CLNK: variants seen among roughly 807,000 people sequenced by gnomAD.
CLNK encodes cytokine-dependent hematopoietic cell linker.
CLNK carries 74 observed loss-of-function variants against 68.6 expected under a neutral mutation model. That is an observed-to-expected ratio of 1.08 (90% confidence interval 0.89 to 1.31). The LOEUF (loss-of-function observed/expected upper bound fraction) is 1.31. Ranked by LOEUF, CLNK falls within the 50% of genes most tolerant of loss-of-function variation. CLNK has a pLI of 0.00. For synonymous variants in CLNK, 198 were observed against 172.2 expected, an observed-to-expected ratio of 1.15 and a Z score of -1.17; for missense variants, 553 against 515.3, an observed-to-expected ratio of 1.07 and a Z score of -0.71.
intron 5 of CLNK, among the ~76,000 whole-genome samples, chr4:10,568,466 C>A (rs184026635): frequency 5.2e-4 from 79 of 152,060 alleles, no homozygotes; most frequent in African/African-American, 1.7e-3. Context: ...TACAAAAAAA[C>A]CATTAAATTG....
chr4:10,567,003 G>C (rs1484974345), intron 5 of CLNK, among the ~76,000 whole-genome samples: 1 of 151,868 alleles, frequency 6.6e-6, no homozygotes, highest in African/African-American at 2.4e-5. Context: ...TGGATTGGGA[G>C]ACTTAATCTT....
chr4:10,599,327 T>C (rs1294576892), intron 2 of CLNK, among the ~76,000 whole-genome samples: 1 of 152,230 alleles, frequency 6.6e-6, no homozygotes, highest in South Asian at 2.1e-4. Flanking sequence ...CTGTAGCCCA[T>C]AGAATAGAAC....
At chr4:10,543,346 A>T (rs1038280701) in intron 8 of CLNK, among the ~76,000 whole-genome samples, 1 of 152,160 alleles carries the variant, frequency 6.6e-6, no homozygotes, top group Non-Finnish European at 1.5e-5. Flanking sequence ...TTGGGGAATC[A>T]GTGAGAAAAT....
At chr4:10,712,114 A>G in the CLNK span, among the ~76,000 whole-genome samples, 2 of 152,220 alleles carry the variant, frequency 1.3e-5, no homozygotes, top group African/African-American at 4.8e-5. Context: ...GGAGAGTATA[A>G]GGAGAATTTT....
At chr4:10,703,087 G>A in the CLNK span, among the ~76,000 whole-genome samples, 1 of 152,134 alleles carries the variant, frequency 6.6e-6, no homozygotes, top group Non-Finnish European at 1.5e-5. Flanking sequence ...AATAAAAACT[G>A]ATCAATTAGA....
intron 18 of CLNK, among the ~76,000 whole-genome samples, chr4:10,500,798 C>T (rs1717008271): frequency 2.0e-5 from 3 of 152,186 alleles, no homozygotes. Flanking sequence ...TCGCCTCCAT[C>T]AGCAGATCTG....
upstream of CLNK, among the ~76,000 whole-genome samples, chr4:10,689,744 C>CCTTTTTTTTTTTTTTTT (rs1560280654): frequency 2.6e-4 from 7 of 26,918 alleles, no homozygotes; most frequent in Non-Finnish European, 6.3e-4. Flanking sequence ...AAAACCCATG[C>CCTTTTTTTTTTTTTTTT]ATTTTTTTTT....
intron 2 of CLNK, among the ~76,000 whole-genome samples, chr4:10,665,656 T>C (rs1481494362): frequency 8.1e-6 from 1 of 123,938 alleles, no homozygotes; most frequent in Non-Finnish European, 1.6e-5. Context: ...GAGCAAGACT[T>C]CGTCTCAAAA....
At chr4:10,620,863 G>C (rs888417819) in intron 2 of CLNK, among the ~76,000 whole-genome samples, 2 of 151,912 alleles carry the variant, frequency 1.3e-5, no homozygotes, top group Admixed American at 6.6e-5. Flanking sequence ...AGCACTTTGG[G>C]AGGCTGAGGC....
intron 15 of CLNK, among the ~76,000 whole-genome samples, chr4:10,519,326 T>C (rs946621335): frequency 6.6e-6 from 1 of 152,196 alleles, no homozygotes. Context: ...TGCATGATTT[T>C]ATATTTCAAG....
the CLNK span, among the ~76,000 whole-genome samples, chr4:10,693,051 C>G: frequency 6.6e-6 from 1 of 152,212 alleles, no homozygotes; most frequent in Non-Finnish European, 1.5e-5. Context: ...CTGTAACGCA[C>G]TTCAGCTGGG....
intron 5 of CLNK, among the ~76,000 whole-genome samples, chr4:10,566,441 G>T (rs1720119179): frequency 1.3e-5 from 2 of 152,178 alleles, no homozygotes; most frequent in South Asian, 4.1e-4. Flanking sequence ...CTTAAAATAG[G>T]CAGATTGTCC....
the CLNK span, among the ~76,000 whole-genome samples, chr4:10,725,628 C>T: frequency 4.6e-5 from 7 of 152,194 alleles, no homozygotes; most frequent in East Asian, 7.7e-4. Context: ...CCAAGGCGGG[C>T]GGATCACAAG....
At chr4:10,605,695 G>A (rs1336730573) in intron 2 of CLNK, among the ~76,000 whole-genome samples, 1 of 151,762 alleles carries the variant, frequency 6.6e-6, no homozygotes, top group Non-Finnish European at 1.5e-5. Flanking sequence ...GGGCGTGGTG[G>A]TGCACACCTG....
At chr4:10,702,892 G>A in the CLNK span, among the ~76,000 whole-genome samples, 4 of 152,192 alleles carry the variant, frequency 2.6e-5, no homozygotes, top group East Asian at 7.7e-4. Flanking sequence ...TGCTGGTCTT[G>A]GGTAGAAGAA....
At chr4:10,689,216 C>G (rs953386767), upstream of CLNK, among the ~76,000 whole-genome samples, 12 of 151,812 alleles carry the variant, frequency 7.9e-5, no homozygotes, top group African/African-American at 2.9e-4. Flanking sequence ...GTCACTGCAG[C>G]CTTGAACTCC....
intron 17 of CLNK, among the ~76,000 whole-genome samples, chr4:10,504,918 C>G (rs1188034828): frequency 6.6e-6 from 1 of 152,058 alleles, no homozygotes; most frequent in Non-Finnish European, 1.5e-5. Context: ...CTTAATGTTT[C>G]TTGGGAAGAG....
At chr4:10,665,196 A>G (rs1724342293) in intron 2 of CLNK, among the ~76,000 whole-genome samples, 3 of 152,240 alleles carry the variant, frequency 2.0e-5, no homozygotes, top group Admixed American at 1.3e-4. Flanking sequence ...TGCCAGCTTC[A>G]AATCTAAGGT....
At chr4:10,497,119 G>A (rs970460306) in intron 18 of CLNK, among the ~76,000 whole-genome samples, 4 of 152,026 alleles carry the variant, frequency 2.6e-5, no homozygotes, top group Admixed American at 6.6e-5. Context: ...TGTGACTTTG[G>A]GCCAGATACT....
Sources: gnomAD v4.1 joint callset for allele counts (sites outside exome capture counted in the v4.1 genomes callset) on GRCh38, gnomAD v4.1.1 for gene constraint, MANE v1.5 for transcripts, NCBI Gene and HGNC (gene_info 2026-07-23, HGNC 2026-07-21) for gene names.